Variants in ELAVL4 observed in about 807,000 individuals in gnomAD.
The protein encoded by ELAVL4 is ELAV-like protein 4.
A neutral mutation model predicts 35.6 loss-of-function variants in ELAVL4; 1 was observed. That is an observed-to-expected ratio of 0.03 (90% CI 0.01 to 0.13). The LOEUF (loss-of-function observed/expected upper bound fraction) is 0.13, where lower values mean the gene tolerates loss of function less well. ELAVL4 is among the 10% of genes least tolerant of loss of function. ELAVL4 has a pLI of 1.00. For missense variants in ELAVL4, 267 were observed against 464.9 expected (o/e 0.57, Z 3.91); for synonymous variants, 156 against 171.0 (o/e 0.91, Z 0.69).
chr1:50,201,235 G>A lies in ELAVL4; in HGVS notation c.*57G>A, dbSNP rs958767823. ...AGAAATATATACGAACAAAACACAC[G>A]CGCGCACACACACACATACACGAAA... On this transcript the variant is annotated 3_prime_UTR_variant, in exon 7 of 7. Coordinates refer to ENST00000371824, the MANE Select transcript of ELAVL4 (RefSeq NM_001144774.3). The surrounding 1 kb of genome is among the most constrained non-coding windows in gnomAD (Gnocchi z 4.3). The A allele has an allele frequency of 6.1e-5, 90 of 1,465,180 alleles. No individual in the cohort carries two copies. The highest frequency in any genetic ancestry group is 1.3e-4 in the Admixed American group (5 of 38,662). The allele number at this position is 1,465,180 out of a possible 1,614,324, so 90.8% of individuals were successfully genotyped here.
intron 1 of ELAVL4, among the ~76,000 whole-genome samples, chr1:50,072,335 G>A (rs557057962): frequency 6.6e-6 from 1 of 152,320 alleles, no homozygotes; most frequent in East Asian, 1.9e-4. Context: ...CTAGGAGCAA[G>A]AGAAACTGTA....
intron 2 of ELAVL4, among the ~76,000 whole-genome samples, chr1:50,159,359 G>A (rs551103474): frequency 9.9e-5 from 15 of 152,280 alleles, no homozygotes; most frequent in African/African-American, 3.4e-4. Context: ...TATAATCCTG[G>A]CACTGTGGGA....
chr1:50,174,886 C>T (rs1477254424), intron 2 of ELAVL4: 1 of 152,070 alleles, frequency 6.6e-6, no homozygotes, highest in Non-Finnish European at 1.5e-5. Context: ...CACATATATT[C>T]CATCAGTATA....
intron 1 of ELAVL4, among the ~76,000 whole-genome samples, chr1:50,133,637 AAGAAAGAAAGAAAG>A (rs1489020523): frequency 5.4e-5 from 8 of 148,866 alleles, no homozygotes; most frequent in East Asian, 3.9e-4. Flanking sequence ...GAAAGAAAGA[AAGAAAGAAAGAAAG>A]AGAAAGAAAG....
chr1:50,049,739 T>C (rs1663255371), intron 1 of ELAVL4, among the ~76,000 whole-genome samples: 1 of 152,210 alleles, frequency 6.6e-6, no homozygotes. Context: ...CCGATGGGGT[T>C]GTGACCCACC....
Position 50,109,015 on chromosome 1 carries a change from T to TGGGGGGGGGGGGG in ELAVL4, c.-175_-174insGGGGGGGGGGGGG. The TGGGGGGGGGGGGG allele has an allele frequency of 2.1e-6, 2 of 961,050 alleles. No individual in the cohort carries two copies. Among genetic ancestry groups the TGGGGGGGGGGGGG allele is most frequent in the Non-Finnish European group, 2.4e-6 (2 of 816,932 alleles). 59.5% of individuals were successfully genotyped at this position (961,050 alleles called of 1,614,324 possible). A position where few individuals can be genotyped will look rare whatever the true frequency, so the allele number is the denominator to read the frequency against. On this transcript the variant is annotated 5_prime_UTR_variant, in exon 1 of 7. Transcript: ENST00000371824. ...GCTCCTTTTCTTTTTTTTCTTTCTC[T>TGGGGGGGGGGGGG]CCCCCGCCCACCCCCCCAAAAATAA... is the stretch of plus-strand genomic sequence containing the variant.
intron 2 of ELAVL4, among the ~76,000 whole-genome samples, chr1:50,169,942 A>C (rs1045213534): frequency 3.9e-5 from 6 of 152,216 alleles, no homozygotes; most frequent in Non-Finnish European, 8.8e-5. Context: ...CTACATTATA[A>C]GCTCCCTGAA....
At chr1:50,097,509 C>T (rs2148510665) in intron 1 of ELAVL4, among the ~76,000 whole-genome samples, 1 of 152,206 alleles carries the variant, frequency 6.6e-6, no homozygotes, top group East Asian at 1.9e-4. Flanking sequence ...AGGTTCTGGT[C>T]CAGAGAGGAG....
chr1:50,148,974 C>T (rs1372013823), intron 2 of ELAVL4, among the ~76,000 whole-genome samples: 11 of 152,004 alleles, frequency 7.2e-5, no homozygotes, highest in African/African-American at 1.7e-4. Context: ...TTAGGTGGCT[C>T]AGGGTATGTC....
At chr1:50,130,625 A>G (rs1349783805) in intron 1 of ELAVL4, among the ~76,000 whole-genome samples, 1 of 152,132 alleles carries the variant, frequency 6.6e-6, no homozygotes, top group Non-Finnish European at 1.5e-5. Flanking sequence ...GGCACTTTGT[A>G]TGTACTTTTT....
chr1:50,099,051 TAAAG>T (rs1265909089), upstream of ELAVL4, among the ~76,000 whole-genome samples: 1 of 152,236 alleles, frequency 6.6e-6, no homozygotes, highest in Non-Finnish European at 1.5e-5. Context: ...GATGACTTGA[TAAAG>T]AAAGTTATGT....
chr1:50,135,888 C>T (rs889078074), intron 1 of ELAVL4, among the ~76,000 whole-genome samples: 2 of 152,216 alleles, frequency 1.3e-5, no homozygotes, highest in Middle Eastern at 3.4e-3. Context: ...TGAGTCATCA[C>T]CTGTAATTTG....
chr1:50,117,246 C>G (rs754413665), intron 1 of ELAVL4, among the ~76,000 whole-genome samples: 1 of 152,086 alleles, frequency 6.6e-6, no homozygotes. Context: ...CCCAGAGGGC[C>G]TGTGTTCAGA....
chr1:50,155,507 A>C (rs1165724538), intron 2 of ELAVL4, among the ~76,000 whole-genome samples: 1 of 152,126 alleles, frequency 6.6e-6, no homozygotes, highest in African/African-American at 2.4e-5. Flanking sequence ...TTTTATGGCT[A>C]GGGCAGGCAG....
chr1:50,179,996 A>AT (rs368952752), intron 3 of ELAVL4: 5 of 152,098 alleles, frequency 3.3e-5, no homozygotes, highest in African/African-American at 4.8e-5. Context: ...GAAAATCTAG[A>AT]TTTTTTTCCT....
chr1:50,155,484 T>C (rs1169917399), intron 2 of ELAVL4, among the ~76,000 whole-genome samples: 2 of 152,054 alleles, frequency 1.3e-5, no homozygotes, highest in Non-Finnish European at 2.9e-5. Flanking sequence ...CATTTTGGAT[T>C]GATTGACTTG....
chr1:50,131,662 T>A (rs1290545982), intron 1 of ELAVL4, among the ~76,000 whole-genome samples: 1 of 151,934 alleles, frequency 6.6e-6, no homozygotes, highest in East Asian at 1.9e-4. Context: ...TGGTGGCGCA[T>A]GCCTGTAGTC....
intron 2 of ELAVL4, among the ~76,000 whole-genome samples, chr1:50,161,572 C>G (rs1193550271): frequency 1.3e-5 from 2 of 152,064 alleles, no homozygotes; most frequent in Non-Finnish European, 2.9e-5. Context: ...AAATCAAGTT[C>G]AGATTAGTTC....
chr1:50,090,647 C>T (rs1042097192), intron 1 of ELAVL4, among the ~76,000 whole-genome samples: 20 of 152,134 alleles, frequency 1.3e-4, no homozygotes, highest in African/African-American at 4.6e-4. Context: ...TCTAGTGGCT[C>T]TGTTCTCCTT....
Sources: allele counts gnomAD v4.1 joint callset (sites outside exome capture counted in the v4.1 genomes callset), GRCh38; gene constraint gnomAD v4.1.1; non-coding constraint Gnocchi (gnomAD v3.1); transcripts MANE v1.5; gene names NCBI Gene and HGNC (gene_info 2026-07-23, HGNC 2026-07-21).